The following NRG3 variants were observed in gnomAD, a reference collection of about 807,000 sequenced individuals.
The protein encoded by NRG3 is pro-neuregulin-3, membrane-bound isoform.
In NRG3, 31 loss-of-function variants were observed where a neutral mutation model predicts 66.9. The ratio of observed to expected loss-of-function variants is 0.46; its 90% confidence interval spans 0.35 to 0.63. The LOEUF (loss-of-function observed/expected upper bound fraction) is 0.63. NRG3 is among the 20% of genes least tolerant of loss of function. The pLI is 0.00. For missense variants in NRG3, 910 were observed against 878.9 expected (o/e 1.04, Z -0.45); for synonymous variants, 393 against 359.4 (o/e 1.09, Z -1.06).
intron 1 of NRG3, among the ~76,000 whole-genome samples, chr10:81,918,409 TA>T (rs1242197985): frequency 6.6e-6 from 1 of 152,230 alleles, no homozygotes; most frequent in Non-Finnish European, 1.5e-5. Flanking sequence ...AACACAAGTA[TA>T]AATCTGTGAC....
At chr10:82,748,021 G>T (rs1005401296) in intron 3 of NRG3, among the ~76,000 whole-genome samples, 3 of 151,032 alleles carry the variant, frequency 2.0e-5, no homozygotes, top group Non-Finnish European at 3.0e-5. Flanking sequence ...TCAATAGTCT[G>T]ACATTTCTTG....
At chr10:82,573,008 C>A (rs550852260) in intron 2 of NRG3, among the ~76,000 whole-genome samples, 1 of 151,858 alleles carries the variant, frequency 6.6e-6, no homozygotes, top group African/African-American at 2.4e-5. Flanking sequence ...AGCTGCCATT[C>A]ACGAATGCAT....
intron 1 of NRG3, among the ~76,000 whole-genome samples, chr10:82,217,279 G>A (rs2075735905): frequency 6.6e-6 from 1 of 152,160 alleles, no homozygotes; most frequent in South Asian, 2.1e-4. Flanking sequence ...GGTAGTTAGT[G>A]TGGAGTCTGC....
chr10:82,699,155 T>G (rs2246501), intron 2 of NRG3, among the ~76,000 whole-genome samples: 1 of 151,946 alleles, frequency 6.6e-6, no homozygotes, highest in Middle Eastern at 3.4e-3. Flanking sequence ...TCAATTTGTG[T>G]TAATCTTGAA....
At chr10:82,199,776 T>G (rs1028949160) in intron 1 of NRG3, among the ~76,000 whole-genome samples, 2 of 152,096 alleles carry the variant, frequency 1.3e-5, no homozygotes, top group Non-Finnish European at 2.9e-5. Context: ...CCTACAATAT[T>G]AAGTTTTTCT....
chr10:82,650,642 A>C (rs1422811067), intron 2 of NRG3, among the ~76,000 whole-genome samples: 2 of 152,242 alleles, frequency 1.3e-5, no homozygotes, highest in Non-Finnish European at 2.9e-5. Context: ...ATGCATCCAC[A>C]TCAGTTTAAG....
chr10:82,410,968 G>A (rs1409004644), intron 2 of NRG3, among the ~76,000 whole-genome samples: 8 of 152,050 alleles, frequency 5.3e-5, no homozygotes, highest in African/African-American at 1.7e-4. Flanking sequence ...CAGATACAAA[G>A]GTAACTATTG....
At chr10:82,021,783 AGTATGTGTGTGTGTGTGTGTGTGTGTGT>A (rs1336416982) in intron 1 of NRG3, among the ~76,000 whole-genome samples, 9 of 146,532 alleles carry the variant, frequency 6.1e-5, no homozygotes, top group African/African-American at 1.8e-4. Flanking sequence ...TTGGGCATGT[AGTATGTGTGTGTGTGTGTGTGTGTGTGT>A]GTGTGTGTGT....
At chr10:82,584,175 C>CT (rs1302398284) in intron 2 of NRG3, among the ~76,000 whole-genome samples, 15 of 152,254 alleles carry the variant, frequency 9.9e-5, no homozygotes, top group African/African-American at 3.6e-4. Context: ...CAACCTCTGC[C>CT]TCCTGGGTTC....
intron 3 of NRG3, among the ~76,000 whole-genome samples, chr10:82,822,284 C>T (rs570292275): frequency 2.6e-5 from 4 of 152,126 alleles, no homozygotes; most frequent in East Asian, 3.9e-4. Flanking sequence ...CCCAGACTAC[C>T]GGGAAGCTCC....
intron 1 of NRG3, among the ~76,000 whole-genome samples, chr10:81,953,505 C>T (rs1228088550): frequency 3.3e-5 from 5 of 152,148 alleles, no homozygotes; most frequent in African/African-American, 1.2e-4. Flanking sequence ...CTGATACATT[C>T]TTGTGAATCA....
intron 2 of NRG3, among the ~76,000 whole-genome samples, chr10:82,370,419 C>T (rs2084807861): frequency 7.2e-6 from 1 of 138,348 alleles, no homozygotes; most frequent in African/African-American, 3.4e-5. Context: ...GTCGTTCTGC[C>T]ATTGCTGATC....
intron 3 of NRG3, among the ~76,000 whole-genome samples, chr10:82,794,623 T>G (rs886451047): frequency 2.6e-5 from 4 of 152,182 alleles, no homozygotes; most frequent in African/African-American, 9.6e-5. Context: ...GCCATGCTGC[T>G]GTGTACCTAA....
chr10:82,886,003 C>G (rs948355662), intron 4 of NRG3, among the ~76,000 whole-genome samples: 3 of 152,126 alleles, frequency 2.0e-5, no homozygotes, highest in Admixed American at 2.0e-4. Flanking sequence ...TCCCGAGTAG[C>G]TGGGACTACA....
chr10:82,313,162 G>A (rs1289039170), intron 1 of NRG3, among the ~76,000 whole-genome samples: 1 of 151,812 alleles, frequency 6.6e-6, no homozygotes, highest in Admixed American at 6.6e-5. Context: ...GACAGAGCGA[G>A]ACCCTGTCTC....
intron 1 of NRG3, among the ~76,000 whole-genome samples, chr10:82,130,391 C>T (rs934968019): frequency 3.0e-4 from 46 of 151,184 alleles, no homozygotes; most frequent in Admixed American, 2.4e-3. Flanking sequence ...CCCAACCCCA[C>T]AACAGGCCCC....
chr10:82,045,010 A>C (rs1289405425), intron 1 of NRG3, among the ~76,000 whole-genome samples: 4 of 151,636 alleles, frequency 2.6e-5, no homozygotes. Context: ...TATTGTGAAT[A>C]GTGCCTCAAT....
At chr10:82,469,732 G>A (rs1841050207) in intron 2 of NRG3, among the ~76,000 whole-genome samples, 1 of 152,164 alleles carries the variant, frequency 6.6e-6, no homozygotes, top group African/African-American at 2.4e-5. Flanking sequence ...TGGCCTGCAT[G>A]GGCATGCAGA....
chr10:81,912,583 G>C (rs1010597070), intron 1 of NRG3, among the ~76,000 whole-genome samples: 1 of 152,180 alleles, frequency 6.6e-6, no homozygotes, highest in Admixed American at 6.5e-5. Context: ...ATGTTCTGGT[G>C]GGGGAGCAGG....
Sources: gnomAD v4.1 joint callset for allele counts (sites outside exome capture counted in the v4.1 genomes callset) on GRCh38, gnomAD v4.1.1 for gene constraint, MANE v1.5 for transcripts, NCBI Gene and HGNC (gene_info 2026-07-23, HGNC 2026-07-21) for gene names.